The following GRIP2 variants were observed in gnomAD, a reference collection of about 807,000 sequenced individuals.
GRIP2 encodes glutamate receptor-interacting protein 2.
In GRIP2, 58 loss-of-function variants were observed where a neutral mutation model predicts 108.3. The observed-to-expected ratio is 0.54, with a 90% confidence interval of 0.43 to 0.67. The LOEUF (loss-of-function observed/expected upper bound fraction) is 0.67, where lower values mean the gene tolerates loss of function less well. Among genes scored for constraint, GRIP2 ranks in the 30% least tolerant of loss-of-function variants. GRIP2 has a pLI of 0.00. For synonymous variants in GRIP2, 586 were observed against 598.2 expected (o/e 0.98, Z 0.30); for missense variants, 1,278 against 1,430.6 (o/e 0.89, Z 1.72).
At chr3:14,572,275 T>C in the GRIP2 span, among the ~76,000 whole-genome samples, 2 of 150,744 alleles carry the variant, frequency 1.3e-5, no homozygotes, top group African/African-American at 4.9e-5. Context: ...TTTTTTTTTC[T>C]AAAACGCTCC....
At chr3:14,573,589 T>A in the GRIP2 span, 1 of 1,442,172 alleles carries the variant, frequency 6.9e-7, no homozygotes, top group Non-Finnish European at 9.7e-7. Flanking sequence ...TCCCGGGAGG[T>A]GATCTCACAC....
At chr3:14,548,917 C>T (rs1695099679) in intron 1 of GRIP2, among the ~76,000 whole-genome samples, 1 of 152,196 alleles carries the variant, frequency 6.6e-6, no homozygotes, top group Non-Finnish European at 1.5e-5. Flanking sequence ...TCACTTTCAT[C>T]CTTACAGTCC....
chr3:14,525,563 C>A lies in GRIP2; in HGVS notation c.131G>T (p.Arg44Leu). 1 of 1,613,786 alleles carries A rather than the reference C, an allele frequency of 6.2e-7. No homozygotes were observed. Among genetic ancestry groups the A allele is most frequent in the Non-Finnish European group, 8.5e-7 (1 of 1,179,864 alleles). Reference sequence around the variant, plus strand: ...GATCAGCTCCACCACAGTGATCCCTCGGAACTCCTCTGCCAACAGATGGGG... The same window carrying A: ...GATCAGCTCCACCACAGTGATCCCTAGGAACTCCTCTGCCAACAGATGGGG... ...CRRQSIPEEF[R>L]GITVVELIKK... is the part of the protein sequence containing the mutation. Residue 44 changes from arginine (R) to leucine (L), a missense_variant, in exon 3 of 24, where the codon CGA becomes CTA. Physicochemically the swap from Arg to Leu is moderately radical, Grantham distance 102. Coordinates refer to ENST00000621039, the MANE Select transcript of GRIP2 (RefSeq NM_001080423.4).
chr3:14,529,914 G>A (rs546735748), intron 1 of GRIP2, among the ~76,000 whole-genome samples: 1 of 152,146 alleles, frequency 6.6e-6, no homozygotes, highest in Non-Finnish European at 1.5e-5. Context: ...CCTTCCCCTG[G>A]GTGCTTGCCA....
At chr3:14,506,566 G>A (rs541576818) in intron 19 of GRIP2, among the ~76,000 whole-genome samples, 3 of 152,238 alleles carry the variant, frequency 2.0e-5, no homozygotes, top group Non-Finnish European at 4.4e-5. Flanking sequence ...CAGCCAGCAT[G>A]GGACCCATGG....
rs187510999 is a variant in GRIP2, at chr3:14,537,224, A to G, written c.40+3045T>C. Among the ~76,000 whole-genome samples the G allele has an allele frequency of 3.4e-3, 522 of 152,204 alleles. 3 individuals are homozygous for G. Among genetic ancestry groups the G allele is most frequent in the Admixed American group, 6.7e-3 (103 of 15,294 alleles). ...GCATCGGCTGTTCCCTCTGCCCACA[A>G]AACTCTTCCCCAGACATCATCAAAA... On this transcript the variant is annotated intron_variant, in intron 1 of 23. Transcript: ENST00000621039.
In GRIP2 at chr3:14,512,643, CCA is replaced by C; in HGVS notation, c.1720+132_1720+133del. 1 of 784,980 alleles carries C rather than the reference CCA, an allele frequency of 1.3e-6. No individual in the cohort carries two copies. Among genetic ancestry groups the C allele is most frequent in the Non-Finnish European group, 2.0e-6 (1 of 490,120 alleles). The allele number at this position is 784,980 out of a possible 1,614,324, so 48.6% of individuals were successfully genotyped here. On this transcript the variant is annotated intron_variant, in intron 14 of 23. Coordinates refer to ENST00000621039, the MANE Select transcript of GRIP2 (RefSeq NM_001080423.4). This position sits in a 1 kb window ranked among gnomAD's most constrained non-coding sequence, Gnocchi z 5.1. ...GCTGGGTCCACGGAAGCCAGCCTCC[CCA>C]CACCCCCAAGCCTTTTCCTCGGGCC...
chr3:14,580,241 TCTC>T, the GRIP2 span, among the ~76,000 whole-genome samples: 1 of 152,228 alleles, frequency 6.6e-6, no homozygotes, highest in South Asian at 2.1e-4. Flanking sequence ...CCCAGAAGGT[TCTC>T]CTCCCTCTCC....
At chr3:14,599,286 T>TAAC in the GRIP2 span, among the ~76,000 whole-genome samples, 3 of 152,224 alleles carry the variant, frequency 2.0e-5, no homozygotes, top group South Asian at 6.2e-4. Flanking sequence ...CACTTCTGGC[T>TAAC]AACATTCCAA....
chr3:14,500,097 G>A (rs1693726592), intron 21 of GRIP2, among the ~76,000 whole-genome samples: 1 of 152,166 alleles, frequency 6.6e-6, no homozygotes, highest in South Asian at 2.1e-4. Flanking sequence ...AAAATTGTAG[G>A]AATAAAAGAT....
At chr3:14,572,561 G>A in the GRIP2 span, among the ~76,000 whole-genome samples, 2 of 114,874 alleles carry the variant, frequency 1.7e-5, no homozygotes, top group East Asian at 2.9e-4. Context: ...GCAGTGAGCC[G>A]AGATCCCGCC....
At chr3:14,558,959 G>C (rs138152391), upstream of GRIP2, among the ~76,000 whole-genome samples, 1 of 152,162 alleles carries the variant, frequency 6.6e-6, no homozygotes, top group Non-Finnish European at 1.5e-5. Context: ...GGGGAGCTCC[G>C]AGGGCAGGGT....
Position 14,507,444 on chromosome 3 carries a change from C to T in GRIP2, c.2218+117G>A. On this transcript the variant is annotated intron_variant, in intron 18 of 23. Coordinates refer to ENST00000621039, the MANE Select transcript of GRIP2 (RefSeq NM_001080423.4). This position sits in a 1 kb window ranked among gnomAD's most constrained non-coding sequence, Gnocchi z 4.6. ...TCTTATCTTCTTTGCCATCGCAGGCCCGCCTCCACAGGGCTGCAGTGAGGA... is the reference window on the plus strand; with the variant it reads ...TCTTATCTTCTTTGCCATCGCAGGCTCGCCTCCACAGGGCTGCAGTGAGGA... 1.6e-6 allele frequency: 2 copies of T among 1,288,230 alleles called. No individual in the cohort carries two copies. Among genetic ancestry groups the T allele is most frequent in the Admixed American group, 2.1e-5 (1 of 48,478 alleles). The allele number at this position is 1,288,230 out of a possible 1,614,324, so 79.8% of individuals were successfully genotyped here.
In GRIP2 at chr3:14,490,604, G is replaced by C. The variant is rs954113141; in HGVS notation, c.*3061C>G. Reference sequence around the variant, plus strand: ...CACTGCCTGCCTCTGGCTTTCTGCTGCGCAGAGAATCAAATTTGCTCCCCC... The same window carrying C: ...CACTGCCTGCCTCTGGCTTTCTGCTCCGCAGAGAATCAAATTTGCTCCCCC... On this transcript the variant is annotated 3_prime_UTR_variant, in exon 24 of 24. Transcript: ENST00000621039. The C allele has an allele frequency of 6.6e-6, 1 of 152,340 alleles. No homozygotes were observed. 9.4% of individuals were successfully genotyped at this position (152,340 alleles called of 1,614,324 possible).
At position 14,505,768 on chromosome 3, in the gene GRIP2, G is replaced by A; in HGVS notation, c.2420C>T (p.Ala807Val). ...CTCCTGGGGGGTCGTGCCCCGGGCT[G>A]CTGCCTGTGGTGTATAGGACCCTGG... ...GGPGSYTPQA[A>V]ARGTTPQERR... Residue 807 changes from alanine (A) to valine (V), a missense_variant, in exon 20 of 24, where the codon GCA becomes GTA. Ala to Val is a moderately conservative substitution (Grantham distance 64). Coordinates refer to ENST00000621039, the MANE Select transcript of GRIP2 (RefSeq NM_001080423.4). This position sits in a 1 kb window ranked among gnomAD's most constrained non-coding sequence, Gnocchi z 4.2. 1 of 1,561,430 alleles carries A rather than the reference G, an allele frequency of 6.4e-7. No homozygotes were observed. The highest frequency in any genetic ancestry group is 8.7e-7 in the Non-Finnish European group (1 of 1,153,868).
At chr3:14,583,524 G>A in the GRIP2 span, among the ~76,000 whole-genome samples, 31 of 152,340 alleles carry the variant, frequency 2.0e-4, no homozygotes, top group Middle Eastern at 0.01. Context: ...GAGCTCAGCT[G>A]GCAGGCCGGG....
intron 1 of GRIP2, among the ~76,000 whole-genome samples, chr3:14,554,944 T>C (rs1438358486): frequency 6.6e-6 from 1 of 152,190 alleles, no homozygotes; most frequent in Non-Finnish European, 1.5e-5. Flanking sequence ...GACAGCAAGA[T>C]GATTCTTGCT....
upstream of GRIP2, among the ~76,000 whole-genome samples, chr3:14,557,035 A>G (rs1162212592): frequency 6.6e-6 from 1 of 152,254 alleles, no homozygotes; most frequent in Non-Finnish European, 1.5e-5. Context: ...CTCGGGAATC[A>G]TGGCTGCCAC....
At chr3:14,552,793 A>G (rs1199964205) in intron 1 of GRIP2, among the ~76,000 whole-genome samples, 2 of 152,058 alleles carry the variant, frequency 1.3e-5, no homozygotes, top group Admixed American at 6.5e-5. Flanking sequence ...GGGTTTCACC[A>G]TGTTAGGCAG....
Sources: gnomAD v4.1 joint callset for allele counts (sites outside exome capture counted in the v4.1 genomes callset) on GRCh38, gnomAD v4.1.1 for gene constraint, Gnocchi (gnomAD v3.1) non-coding constraint, MANE v1.5 for transcripts, NCBI Gene and HGNC (gene_info 2026-07-23, HGNC 2026-07-21) for gene names.